Variants in MPP1 observed in about 807,000 individuals in gnomAD.
MPP1 encodes the protein MAGUK p55 scaffold protein 1.
In MPP1, 6 loss-of-function variants were observed where a neutral mutation model predicts 38.2. The observed-to-expected ratio is 0.16, with a 90% CI of 0.09 to 0.31. The LOEUF is 0.31. Ranked by LOEUF, MPP1 falls within the 10% of genes least tolerant of loss-of-function variation. The pLI, the probability that MPP1 is intolerant of heterozygous loss-of-function variation, is 1.00. For missense variants in MPP1, 293 were observed against 368.9 expected, an observed-to-expected ratio of 0.79 and a Z score of 1.69; for synonymous variants, 153 against 146.3, an observed-to-expected ratio of 1.05 and a Z score of -0.33.
chrX:154,794,258 A>G lies in MPP1; in HGVS notation c.103-1973T>C, dbSNP rs1569558943. Among the ~76,000 whole-genome samples the G allele has an allele frequency of 2.7e-5, 3 of 111,413 alleles. No individual in the cohort carries two copies. The South Asian group carries it at 1.1e-3, about 42-fold the overall frequency. Reference sequence around the variant, plus strand: ...TGAATGGCTACTGCTACACCACTCCATGGTAGATCACCTGTGGATCAGTCT... The same window carrying G: ...TGAATGGCTACTGCTACACCACTCCGTGGTAGATCACCTGTGGATCAGTCT... On this transcript the variant is annotated intron_variant, in intron 1 of 11. Transcript: ENST00000369534.
intron 11 of MPP1, 64 bp from the exon 12 acceptor site, chrX:154,779,417 C>G (rs1557266364): frequency 6.6e-6 from 7 of 1,056,791 alleles, no homozygotes; most frequent in Non-Finnish European, 8.9e-6. Context: ...AGGCCAGTGA[C>G]AGATTTTAAA....
At chrX:154,792,939 T>C (rs2072158586) in intron 1 of MPP1, among the ~76,000 whole-genome samples, 1 of 111,605 alleles carries the variant, frequency 9.0e-6, no homozygotes, top group African/African-American at 3.3e-5. Context: ...AATGAGTTAC[T>C]CTACCAGGCA....
intron 1 of MPP1, among the ~76,000 whole-genome samples, 159 bp downstream of exon 1, chrX:154,805,113 C>A (rs1404230045): frequency 1.8e-5 from 2 of 113,155 alleles, no homozygotes; most frequent in Non-Finnish European, 3.7e-5. Context: ...CGGCCGCGCG[C>A]TGGCCTTGTC....
chrX:154,792,333 C>A (rs2072152174), intron 1 of MPP1, 48 bp from the exon 2 acceptor site: 4 of 1,157,769 alleles, frequency 3.5e-6, no homozygotes, highest in Non-Finnish European at 3.5e-6. Context: ...GGAGCAAGGC[C>A]CACAGCCAGT....
At position 154,805,348 on chromosome X, in the gene MPP1, T is replaced by C. The variant is rs1569559056; in HGVS notation, c.26A>G (p.Glu9Gly). The part of the protein sequence containing the change: MTLKASEG[E>G]SGGSMHTALS... ...CGCCGTGTGCATGCTGCCCCCACTCTCGCCCTCGCTCGCCTTGAGGGTCAT... is the reference window on the plus strand; with the variant it reads ...CGCCGTGTGCATGCTGCCCCCACTCCCGCCCTCGCTCGCCTTGAGGGTCAT... Residue 9 changes from glutamate (E) to glycine (G), a missense_variant, in exon 1 of 12, where the codon GAG (glutamate) becomes GGG (glycine). Transcript: ENST00000369534. The C allele has an allele frequency of 8.3e-7, 1 of 1,200,489 alleles. No homozygotes were observed.
chrX:154,786,684 C>A (rs907616798), intron 5 of MPP1, among the ~76,000 whole-genome samples: 1 of 110,170 alleles, frequency 9.1e-6, no homozygotes, highest in South Asian at 3.9e-4. Flanking sequence ...ACACATGAGG[C>A]TAGGAGTTGG....
At chrX:154,802,408 A>C (rs1421564907) in intron 1 of MPP1, among the ~76,000 whole-genome samples, 4 of 110,966 alleles carry the variant, frequency 3.6e-5, no homozygotes, top group African/African-American at 1.3e-4. Context: ...ACCAAGAAAC[A>C]GGTTTTCTTG....
Position 154,779,013 on chromosome X carries a change from G to C in MPP1, c.*164C>G. ...TATCAGGAGAATCAACCCTTCAGGA[G>C]CCTGAGCAAGAAGACTGAACCTTAC... On this transcript the variant is annotated 3_prime_UTR_variant, in exon 12 of 12. Coordinates refer to ENST00000369534, the MANE Select transcript of MPP1 (RefSeq NM_002436.4). The C allele has an allele frequency of 2.0e-6, 1 of 499,937 alleles. No individual in the cohort carries two copies. Among genetic ancestry groups the C allele is most frequent in the Non-Finnish European group, 3.2e-6 (1 of 313,873 alleles). The allele number at this position is 499,937 out of a possible 1,213,427, so 41.2% of individuals were successfully genotyped here.
rs1557266569 is a variant in MPP1, at chrX:154,781,318, A to G, written c.1150-5T>C. On this transcript the variant is annotated splice_region_variant and splice_polypyrimidine_tract_variant and intron_variant, in intron 10 of 11. Transcript: ENST00000369534. ...TGTCCGAACAATTTTCAGGGTCTAGAAAAAAAAAAGAAGGGCGGCGGGGAG... is the reference window on the plus strand; with the variant it reads ...TGTCCGAACAATTTTCAGGGTCTAGGAAAAAAAAAGAAGGGCGGCGGGGAG... 3.8e-6 allele frequency: 4 copies of G among 1,062,150 alleles called. No individual in the cohort carries two copies. The highest frequency in any genetic ancestry group is 2.6e-4 in the Middle Eastern group (1 of 3,871). 87.5% of individuals were successfully genotyped at this position (1,062,150 alleles called of 1,213,427 possible). A position where few individuals can be genotyped will look rare whatever the true frequency, so the allele number is the denominator to read the frequency against.
chrX:154,783,991 A>G, intron 8 of MPP1, 37 bp downstream of exon 8: 1 of 1,171,920 alleles, frequency 8.5e-7, no homozygotes, highest in Non-Finnish European at 1.2e-6. Context: ...CAGGAAAACA[A>G]AGACAGAAAT....
intron 5 of MPP1, among the ~76,000 whole-genome samples, chrX:154,788,594 G>A (rs2072106685): frequency 8.9e-6 from 1 of 111,866 alleles, no homozygotes; most frequent in Non-Finnish European, 1.9e-5. Context: ...AATACTATTT[G>A]GCAATATCAC....
intron 11 of MPP1, among the ~76,000 whole-genome samples, chrX:154,780,443 C>G (rs1464689081): frequency 8.9e-6 from 1 of 112,476 alleles, no homozygotes; most frequent in Non-Finnish European, 1.9e-5. Flanking sequence ...GAAAAAGTAC[C>G]TGATCATCTC....
At chrX:154,792,768 G>GTAATTCA (rs1557267889) in intron 1 of MPP1, among the ~76,000 whole-genome samples, 4 of 111,040 alleles carry the variant, frequency 3.6e-5, no homozygotes, top group Non-Finnish European at 3.8e-5. Flanking sequence ...AGCAATAAAG[G>GTAATTCA]TAATTCAGGT....
At chrX:154,784,722 G>A (rs1010256145) in intron 7 of MPP1, 8 of 318,710 alleles carry the variant, frequency 2.5e-5, no homozygotes, top group African/African-American at 1.6e-4. Context: ...GAGGGTGCAC[G>A]AAGCTCCCTA....
chrX:154,779,010 G>A lies in MPP1; in HGVS notation c.*167C>T. 2.0e-6 allele frequency: 1 copy of A among 493,909 alleles called. No homozygotes were observed. Among genetic ancestry groups the A allele is most frequent in the South Asian group, 4.5e-5 (1 of 22,240 alleles). 40.7% of individuals were successfully genotyped at this position (493,909 alleles called of 1,213,427 possible). On this transcript the variant is annotated 3_prime_UTR_variant, in exon 12 of 12. Transcript: ENST00000369534. ...ATCTATCAGGAGAATCAACCCTTCA[G>A]GAGCCTGAGCAAGAAGACTGAACCT...
chrX:154,805,347 C>G lies in MPP1; in HGVS notation c.27G>C (p.Glu9Asp), dbSNP rs782578742. 5 of 1,200,812 alleles carry G rather than the reference C, an allele frequency of 4.2e-6. No individual in the cohort carries two copies. The highest frequency in any genetic ancestry group is 4.5e-6 in the Non-Finnish European group (4 of 889,693). ...GCGCCGTGTGCATGCTGCCCCCACTCTCGCCCTCGCTCGCCTTGAGGGTCA... is the reference window on the plus strand; with the variant it reads ...GCGCCGTGTGCATGCTGCCCCCACTGTCGCCCTCGCTCGCCTTGAGGGTCA... MTLKASEG[E>D]SGGSMHTALS... is the part of the protein sequence containing the mutation. The change falls in exon 1 of 12, where the codon GAG becomes GAC. Residue 9 changes from glutamate (E) to aspartate (D), a missense_variant. Glu to Asp is a conservative substitution (Grantham distance 45). Coordinates refer to ENST00000369534, the MANE Select transcript of MPP1 (RefSeq NM_002436.4).
At position 154,785,144 on chromosome X, in the gene MPP1, T is replaced by C. The variant is rs1557267082; in HGVS notation, c.691A>G (p.Met231Val). ...GCTTCGCTAGGAGCTGACTGAGCCA[T>C]ACTTGCCACTCGCCTGGTAGGAAAA... The part of the protein sequence containing the change: ...PELQEWRVAS[M>V]AQSAPSEAPS... Residue 231 changes from methionine (M) to valine (V), a missense_variant, in exon 7 of 12, where the codon ATG becomes GTG. Coordinates refer to ENST00000369534, the MANE Select transcript of MPP1 (RefSeq NM_002436.4). 8.4e-7 allele frequency: 1 copy of C among 1,195,082 alleles called. No individual in the cohort carries two copies. The highest frequency in any genetic ancestry group is 1.8e-5 in the African/African-American group (1 of 56,458).
rs143927913 is a variant in MPP1 at position 154,781,648 on chromosome X, G to A, written c.1101C>T (p.His367=). ...CAATCTTGTTCTGCTTATGGATCTG[G>A]TGCACTGTTTCAAATTTGGTGCCAA... The part of the protein sequence containing the change: ...NMFGTKFETV[H]QIHKQNKIAI... The change falls in exon 10 of 12, where the codon CAC becomes CAT. Residue 367 remains histidine, a synonymous_variant. Coordinates refer to ENST00000369534, the MANE Select transcript of MPP1 (RefSeq NM_002436.4). 3.9e-5 allele frequency: 47 copies of A among 1,209,611 alleles called. No individual in the cohort carries two copies. The highest frequency in any genetic ancestry group is 4.8e-5 in the Non-Finnish European group (43 of 895,216).
At chrX:154,801,188 A>C (rs889363747) in intron 1 of MPP1, among the ~76,000 whole-genome samples, 1 of 112,260 alleles carries the variant, frequency 8.9e-6, no homozygotes, top group African/African-American at 3.2e-5. Flanking sequence ...GACATTATTG[A>C]TTGTCACAAC....
Sources: allele counts gnomAD v4.1 joint callset (sites outside exome capture counted in the v4.1 genomes callset), GRCh38; gene constraint gnomAD v4.1.1; transcripts MANE v1.5; gene names NCBI Gene and HGNC (gene_info 2026-07-23, HGNC 2026-07-21).